The following ADAM23 variants were observed in gnomAD, a reference collection of about 807,000 sequenced individuals.
ADAM23 encodes the protein disintegrin and metalloproteinase domain-containing protein 23.
ADAM23 carries 33 observed loss-of-function variants against 120.1 expected under a neutral mutation model. That is an observed-to-expected ratio of 0.27 (90% CI 0.21 to 0.37). The LOEUF (loss-of-function observed/expected upper bound fraction) is 0.37. ADAM23 is among the 10% of genes least tolerant of loss of function. The pLI, the probability that ADAM23 is intolerant of heterozygous loss-of-function variation, is 1.00. For synonymous variants in ADAM23, 367 were observed against 375.2 expected (o/e 0.98, Z 0.25); for missense variants, 862 against 1,058.2 (o/e 0.81, Z 2.57).
chr2:206,464,722 T>C (rs1695506460), intron 2 of ADAM23, among the ~76,000 whole-genome samples: 1 of 152,092 alleles, frequency 6.6e-6, no homozygotes, highest in African/African-American at 2.4e-5. Flanking sequence ...CACTCCCCCA[T>C]AGGACATTTG....
chr2:206,555,721 A>G (rs1697629476), intron 9 of ADAM23, among the ~76,000 whole-genome samples: 1 of 152,230 alleles, frequency 6.6e-6, no homozygotes, highest in South Asian at 2.1e-4. Context: ...AAATCTCAAT[A>G]AAATAACAAA....
At chr2:206,446,956 T>C (rs975264148) in intron 2 of ADAM23, among the ~76,000 whole-genome samples, 2 of 152,192 alleles carry the variant, frequency 1.3e-5, no homozygotes, top group African/African-American at 4.8e-5. Flanking sequence ...TGAGACCTTT[T>C]AGAGTTAAGT....
chr2:206,522,147 A>ATATATATAT (rs917124606), intron 3 of ADAM23, among the ~76,000 whole-genome samples: 1 of 151,350 alleles, frequency 6.6e-6, no homozygotes, highest in African/African-American at 2.4e-5. Context: ...ATGTATATTC[A>ATATATATAT]TATATATATA....
At chr2:206,568,836 G>A (rs2105828881) in intron 15 of ADAM23, among the ~76,000 whole-genome samples, 1 of 152,226 alleles carries the variant, frequency 6.6e-6, no homozygotes, top group East Asian at 1.9e-4. Flanking sequence ...AGTAACTAAT[G>A]TGGTAACTAA....
chr2:206,586,193 A>G lies in ADAM23; in HGVS notation c.1738-1132A>G, dbSNP rs116401027. 1.2e-3 allele frequency among the ~76,000 whole-genome samples: 185 copies of G among 152,298 alleles called. 1 individual carries two copies. Among genetic ancestry groups the G allele is most frequent in the African/African-American group, 3.9e-3 (161 of 41,560 alleles). Reference sequence around the variant, plus strand: ...TAGGAGCAGATCATGTTGAGCTTGGAAGGTCATTGAGTAAGCTGGGAAACA... The same window carrying G: ...TAGGAGCAGATCATGTTGAGCTTGGGAGGTCATTGAGTAAGCTGGGAAACA... On this transcript the variant is annotated intron_variant, in intron 18 of 25. Coordinates refer to ENST00000264377, the MANE Select transcript of ADAM23 (RefSeq NM_003812.4).
intron 2 of ADAM23, among the ~76,000 whole-genome samples, chr2:206,447,016 A>G (rs1346655906): frequency 6.6e-6 from 1 of 152,208 alleles, no homozygotes; most frequent in Non-Finnish European, 1.5e-5. Context: ...GGAGGAAGGA[A>G]AAACAGCTGC....
At chr2:206,528,536 C>G (rs894291218) in intron 3 of ADAM23, among the ~76,000 whole-genome samples, 1 of 152,144 alleles carries the variant, frequency 6.6e-6, no homozygotes, top group African/African-American at 2.4e-5. Flanking sequence ...ACAGGACATA[C>G]GCAGGACATA....
In ADAM23 at chr2:206,589,792, A is replaced by G. The variant is rs10932154; in HGVS notation, c.1958+278A>G. ...TTTTGTTCTGACGAGATACTTTGCCAGAGCATTACAAATTAATACTAGCTT... is the reference window on the plus strand; with the variant it reads ...TTTTGTTCTGACGAGATACTTTGCCGGAGCATTACAAATTAATACTAGCTT... On this transcript the variant is annotated intron_variant, in intron 21 of 25. Transcript: ENST00000264377. Among the ~76,000 whole-genome samples, 240 of 152,350 alleles carry G rather than the reference A, an allele frequency of 1.6e-3. 6 individuals are homozygous for G. The East Asian group carries it at 0.041, about 26-fold the overall frequency.
chr2:206,508,079 G>C (rs1037839758), intron 3 of ADAM23, among the ~76,000 whole-genome samples: 1 of 152,076 alleles, frequency 6.6e-6, no homozygotes, highest in Admixed American at 6.5e-5. Context: ...TCCCAGGCTG[G>C]AGTGCAGTGG....
Position 206,516,596 on chromosome 2 carries a change from C to A in ADAM23, c.510-14289C>A, listed in dbSNP as rs1319155542. Among the ~76,000 whole-genome samples, 6 of 151,990 alleles carry A rather than the reference C, an allele frequency of 3.9e-5. No individual in the cohort carries two copies. The East Asian group carries it at 1.2e-3, about 29-fold the overall frequency. ...GAGAGAGAGAGGGAGAGACAAAGTT[C>A]TTTGGTCTCTTCTTAAAAAAGAGAG... On this transcript the variant is annotated intron_variant, in intron 3 of 25. Transcript: ENST00000264377.
intron 24 of ADAM23, among the ~76,000 whole-genome samples, chr2:206,600,807 T>A (rs1490762593): frequency 2.0e-5 from 3 of 152,120 alleles, no homozygotes; most frequent in Non-Finnish European, 2.9e-5. Flanking sequence ...ACCAAACTAT[T>A]GAAAGACAAG....
chr2:206,587,219 T>G (rs1226648650), intron 18 of ADAM23, 106 bp from the exon 19 acceptor site: 1 of 740,454 alleles, frequency 1.4e-6, no homozygotes, highest in African/African-American at 1.8e-5. Flanking sequence ...TTTTTCTCAA[T>G]GTTTCTAGTT....
At position 206,608,314 on chromosome 2, in the gene ADAM23, A is replaced by G. The variant is rs76682327; in HGVS notation, c.2360-1596A>G. On this transcript the variant is annotated intron_variant, in intron 24 of 25. Coordinates refer to ENST00000264377, the MANE Select transcript of ADAM23 (RefSeq NM_003812.4). The stretch of plus-strand genomic sequence containing the variant: ...GGGCTAGATTTGGTCTGTGGGCTCC[A>G]GTTTCCTGACCCTTGACTTATAGGA... Among the ~76,000 whole-genome samples, 885 of 152,342 alleles carry G rather than the reference A, an allele frequency of 5.8e-3. 1 individual carries two copies. Among genetic ancestry groups the G allele is most frequent in the South Asian group, 0.011 (54 of 4,828 alleles).
chr2:206,498,310 C>T (rs1203436544), intron 3 of ADAM23, among the ~76,000 whole-genome samples: 2 of 152,028 alleles, frequency 1.3e-5, no homozygotes, highest in African/African-American at 2.4e-5. Flanking sequence ...GAGATGTAGA[C>T]CAATGGAACA....
intron 21 of ADAM23, among the ~76,000 whole-genome samples, chr2:206,589,994 C>T (rs1263541253): frequency 1.3e-5 from 2 of 152,098 alleles, no homozygotes; most frequent in Non-Finnish European, 2.9e-5. Flanking sequence ...AATATCTACA[C>T]CAGAGATTTT....
chr2:206,562,387 T>C (rs1697786071), intron 13 of ADAM23, 94 bp downstream of exon 13: 2 of 921,642 alleles, frequency 2.2e-6, no homozygotes, highest in East Asian at 4.9e-5. Flanking sequence ...ATTCCAGTCA[T>C]TATAGTTTAA....
intron 24 of ADAM23, 74 bp downstream of exon 24, chr2:206,596,236 T>A (rs985062469): frequency 8.9e-7 from 1 of 1,128,552 alleles, no homozygotes; most frequent in Non-Finnish European, 1.3e-6. Flanking sequence ...AGTATAACAT[T>A]CTAATTGACT....
intron 9 of ADAM23, among the ~76,000 whole-genome samples, chr2:206,552,652 GTAT>G (rs1243960470): frequency 6.6e-6 from 1 of 151,598 alleles, no homozygotes; most frequent in South Asian, 2.1e-4. Flanking sequence ...ATTGTTGTTA[GTAT>G]TATTATTATT....
chr2:206,595,307 A>G (rs927795535), intron 23 of ADAM23, among the ~76,000 whole-genome samples: 3 of 152,206 alleles, frequency 2.0e-5, no homozygotes, highest in Non-Finnish European at 4.4e-5. Context: ...CAGGGAGATA[A>G]GGGTTTAAAC....
Sources: gnomAD v4.1 joint callset for allele counts (sites outside exome capture counted in the v4.1 genomes callset) on GRCh38, gnomAD v4.1.1 for gene constraint, MANE v1.5 for transcripts, NCBI Gene and HGNC (gene_info 2026-07-23, HGNC 2026-07-21) for gene names.